CERS1: variants seen among roughly 807,000 people sequenced by gnomAD.
CERS1 encodes the protein ceramide synthase 1.
In CERS1, 16 loss-of-function variants were observed where a neutral mutation model predicts 35.7. The ratio of observed to expected loss-of-function variants is 0.45; its 90% CI spans 0.30 to 0.68. The LOEUF (loss-of-function observed/expected upper bound fraction) is 0.68. Among genes scored for constraint, CERS1 ranks in the 30% least tolerant of loss-of-function variants. The pLI, the probability that CERS1 is intolerant of heterozygous loss-of-function variation, is 0.08. For synonymous variants in CERS1, 243 were observed against 201.6 expected (o/e 1.21, Z -1.74); for missense variants, 454 against 453.9 (o/e 1.00, Z 0.00).
intron 6 of CERS1, among the ~76,000 whole-genome samples, chr19:18,877,081 C>G (rs375466497): frequency 2.6e-5 from 4 of 152,246 alleles, no homozygotes; most frequent in South Asian, 2.1e-4. Context: ...TACCCAACTG[C>G]ACTAACTCCG....
Position 18,870,318 on chromosome 19 carries a change from G to T in CERS1, c.*259C>A. 1 of 1,545,222 alleles carries T rather than the reference G, an allele frequency of 6.5e-7. No homozygotes were observed. On this transcript the variant is annotated 3_prime_UTR_variant, in exon 7 of 8. Coordinates refer to ENST00000623882, the MANE Select transcript of CERS1 (RefSeq NM_021267.5). The surrounding 1 kb of genome is among the most constrained non-coding windows in gnomAD (Gnocchi z 5.1). ...CTGCGGCGGTGGCATCTTCCTCCCA[G>T]GCGATGACCAGAGAGTGCGCAGGGT...
intron 2 of CERS1, among the ~76,000 whole-genome samples, chr19:18,892,186 T>A (rs2146067654): frequency 6.6e-6 from 1 of 151,516 alleles, no homozygotes; most frequent in African/African-American, 2.4e-5. Flanking sequence ...GCGTGAGCCA[T>A]CGCACCAGGC....
At position 18,870,966 on chromosome 19, in the gene CERS1, C is replaced by T. The variant is rs2055958947; in HGVS notation, c.1011-347G>A. ...CCTGGGCCTGACAACTCCACCGCCTCCACAGTGGGACCCTGCACATCCTCC... is the reference window on the plus strand; with the variant it reads ...CCTGGGCCTGACAACTCCACCGCCTTCACAGTGGGACCCTGCACATCCTCC... On this transcript the variant is annotated intron_variant, in intron 6 of 7. Transcript: ENST00000623882. The surrounding 1 kb of genome is among the most constrained non-coding windows in gnomAD (Gnocchi z 5.1). Among the ~76,000 whole-genome samples, 1 of 152,226 alleles carries T rather than the reference C, an allele frequency of 6.6e-6. No individual in the cohort carries two copies. Among genetic ancestry groups the T allele is most frequent in the South Asian group, 2.1e-4 (1 of 4,836 alleles).
At chr19:18,877,691 G>T (rs535529270) in intron 6 of CERS1, among the ~76,000 whole-genome samples, 120 of 148,274 alleles carry the variant, frequency 8.1e-4, no homozygotes, top group Non-Finnish European at 1.3e-3. Context: ...GGAGGCGGCG[G>T]TTGCAGCGAG....
chr19:18,879,933 C>T lies in CERS1; in HGVS notation c.752+341G>A, dbSNP rs137918456. Reference sequence around the variant, plus strand: ...CCTACCCCAACCCTGCTTGGCCCCACCCCTGGCTTGCTCTGTATTAGTCTA... The same window carrying T: ...CCTACCCCAACCCTGCTTGGCCCCATCCCTGGCTTGCTCTGTATTAGTCTA... On this transcript the variant is annotated intron_variant, in intron 4 of 7. Coordinates refer to ENST00000623882, the MANE Select transcript of CERS1 (RefSeq NM_021267.5). Among the ~76,000 whole-genome samples, 218 of 151,844 alleles carry T rather than the reference C, an allele frequency of 1.4e-3. 1 individual carries two copies. Among genetic ancestry groups the T allele is most frequent in the Middle Eastern group, 3.4e-3 (1 of 294 alleles).
intron 2 of CERS1, among the ~76,000 whole-genome samples, chr19:18,891,384 C>T (rs1190833854): frequency 6.6e-6 from 1 of 152,152 alleles, no homozygotes; most frequent in Non-Finnish European, 1.5e-5. Context: ...AGAGAAGCCG[C>T]AGCCCCCACT....
At chr19:18,872,350 T>C (rs2055985984) in intron 6 of CERS1, among the ~76,000 whole-genome samples, 1 of 152,114 alleles carries the variant, frequency 6.6e-6, no homozygotes, top group African/African-American at 2.4e-5. Context: ...CTTTTTTTCT[T>C]GTTTTGTTTT....
intron 6 of CERS1, among the ~76,000 whole-genome samples, chr19:18,875,214 CGACAGAGTGG>C (rs1434165135): frequency 6.8e-6 from 1 of 146,306 alleles, no homozygotes; most frequent in African/African-American, 2.6e-5. Context: ...CCAGCGTGGG[CGACAGAGTGG>C]GACCGTCTCT....
chr19:18,872,508 C>T (rs532313383), intron 6 of CERS1, among the ~76,000 whole-genome samples: 1 of 151,310 alleles, frequency 6.6e-6, no homozygotes, highest in East Asian at 1.9e-4. Context: ...ACACCATGCC[C>T]GGGGTAATTT....
chr19:18,884,709 CTTTTTTTTT>C (rs36074874), intron 2 of CERS1, among the ~76,000 whole-genome samples: 1 of 69,128 alleles, frequency 1.4e-5, no homozygotes, highest in African/African-American at 6.1e-5. Flanking sequence ...GCCCAGCCGT[CTTTTTTTTT>C]TTTTTTTTTT....
chr19:18,896,925 G>C (rs1182132768), upstream of CERS1, among the ~76,000 whole-genome samples: 4 of 27,920 alleles, frequency 1.4e-4, no homozygotes, highest in Non-Finnish European at 6.0e-4. The surrounding 1 kb of genome is among the most constrained non-coding windows in gnomAD (Gnocchi z 5.9). Flanking sequence ...TGGGGAACCC[G>C]GGGGGGGGGC....
At position 18,870,618 on chromosome 19, in the gene CERS1, T is replaced by C; in HGVS notation, c.1012A>G (p.Lys338Glu). ...TTCACCAGGCCGTTCCTCAGTGGCT[T>C]CCTGGGGGTCAGAACCGGCGCAGGT... is the stretch of plus-strand genomic sequence containing the variant. Reference protein sequence around the residue: ...AQSLKPSKAEKPLRNGLVKDK... With the variant: ...AQSLKPSKAEEPLRNGLVKDK... The change falls in exon 7 of 8, where the codon AAG becomes GAG. Residue 338 changes from lysine to glutamate, a missense_variant and splice_region_variant. Lys to Glu is a moderately conservative substitution (Grantham distance 56). Transcript: ENST00000623882. This position sits in a 1 kb window ranked among gnomAD's most constrained non-coding sequence, Gnocchi z 5.1. The C allele has an allele frequency of 1.7e-6, 1 of 573,654 alleles. No homozygotes were observed. The highest frequency in any genetic ancestry group is 3.2e-6 in the Non-Finnish European group (1 of 316,902). The allele number at this position is 573,654 out of a possible 1,614,324, so 35.5% of individuals were successfully genotyped here. A position where few individuals can be genotyped will look rare whatever the true frequency, so the allele number is the denominator to read the frequency against.
At chr19:18,876,951 A>G (rs1222202242) in intron 6 of CERS1, among the ~76,000 whole-genome samples, 2 of 151,976 alleles carry the variant, frequency 1.3e-5, no homozygotes, top group Admixed American at 1.3e-4. Context: ...GTCTCCTCTG[A>G]CCCTGGATTG....
chr19:18,893,853 C>T (rs1328659388), intron 1 of CERS1, among the ~76,000 whole-genome samples: 1 of 150,792 alleles, frequency 6.6e-6, no homozygotes, highest in Non-Finnish European at 1.5e-5. Context: ...AAGGGGGACA[C>T]TTGGGCTTAC....
Position 18,895,354 on chromosome 19 carries a change from G to A in CERS1, c.249+470C>T, listed in dbSNP as rs1383977278. On this transcript the variant is annotated intron_variant, in intron 1 of 7. Transcript: ENST00000623882. This position sits in a 1 kb window ranked among gnomAD's most constrained non-coding sequence, Gnocchi z 6.4. ...CAGCCCGCATGGCAGGGAGGCGCATGGCGCAGGCCGCGGTGCGCCGAGCCC... is the reference window on the plus strand; with the variant it reads ...CAGCCCGCATGGCAGGGAGGCGCATAGCGCAGGCCGCGGTGCGCCGAGCCC... Among the ~76,000 whole-genome samples the A allele has an allele frequency of 6.6e-6, 1 of 152,208 alleles. No homozygotes were observed. Among genetic ancestry groups the A allele is most frequent in the Non-Finnish European group, 1.5e-5 (1 of 68,032 alleles).
rs1276077638 is a variant in CERS1, at chr19:18,870,637, C to T, written c.1011-18G>A. 2 of 552,142 alleles carry T rather than the reference C, an allele frequency of 3.6e-6. No individual in the cohort carries two copies. The highest frequency in any genetic ancestry group is 6.6e-6 in the Non-Finnish European group (2 of 305,196). 34.2% of individuals were successfully genotyped at this position (552,142 alleles called of 1,614,324 possible). A position where few individuals can be genotyped will look rare whatever the true frequency, so the allele number is the denominator to read the frequency against. On this transcript the variant is annotated intron_variant, in intron 6 of 7. Coordinates refer to ENST00000623882, the MANE Select transcript of CERS1 (RefSeq NM_021267.5). This position sits in a 1 kb window ranked among gnomAD's most constrained non-coding sequence, Gnocchi z 5.1. ...GTGGCTTCCTGGGGGTCAGAACCGG[C>T]GCAGGTTAGCCTGGGAGCCCCACGC...
rs1407528794 is a variant in CERS1 at position 18,878,081 on chromosome 19, C to T, written c.1010+849G>A. 1 of 985,584 alleles carries T rather than the reference C, an allele frequency of 1.0e-6. No individual in the cohort carries two copies. Among genetic ancestry groups the T allele is most frequent in the Non-Finnish European group, 1.2e-6 (1 of 830,006 alleles). The allele number at this position is 985,584 out of a possible 1,614,324, so 61.1% of individuals were successfully genotyped here. A position where few individuals can be genotyped will look rare whatever the true frequency, so the allele number is the denominator to read the frequency against. ...TCCCGTTCCAAAAAACGTCACGGAGCTCTGAGCCACTGCTTCCCTGAAACC... is the reference window on the plus strand; with the variant it reads ...TCCCGTTCCAAAAAACGTCACGGAGTTCTGAGCCACTGCTTCCCTGAAACC... On this transcript the variant is annotated intron_variant, in intron 6 of 7. Coordinates refer to ENST00000623882, the MANE Select transcript of CERS1 (RefSeq NM_021267.5). The surrounding 1 kb of genome is among the most constrained non-coding windows in gnomAD (Gnocchi z 4.6).
intron 6 of CERS1, among the ~76,000 whole-genome samples, chr19:18,873,448 G>A (rs1019245191): frequency 2.0e-5 from 3 of 152,040 alleles, no homozygotes; most frequent in Non-Finnish European, 2.9e-5. Flanking sequence ...TGTAATCCCA[G>A]CACTTTGGGA....
At chr19:18,891,001 A>G (rs542653065) in intron 2 of CERS1, among the ~76,000 whole-genome samples, 3 of 151,896 alleles carry the variant, frequency 2.0e-5, no homozygotes, top group Non-Finnish European at 2.9e-5. Flanking sequence ...GCGCGTGCCT[A>G]TAATTCCAGC....
Sources: allele counts gnomAD v4.1 joint callset (sites outside exome capture counted in the v4.1 genomes callset), GRCh38; gene constraint gnomAD v4.1.1; non-coding constraint Gnocchi (gnomAD v3.1); transcripts MANE v1.5; gene names NCBI Gene and HGNC (gene_info 2026-07-23, HGNC 2026-07-21).